Variants in ZNF780B observed in about 807,000 individuals in gnomAD.
ZNF780B encodes zinc finger protein 779.
ZNF780B carries 52 observed loss-of-function variants against 74.1 expected under a neutral mutation model. The ratio of observed to expected loss-of-function variants is 0.70; its 90% CI spans 0.56 to 0.88. The LOEUF (loss-of-function observed/expected upper bound fraction) is 0.88. Among genes scored for constraint, ZNF780B ranks in the 40% least tolerant of loss-of-function variants. The pLI, the probability that ZNF780B is intolerant of heterozygous loss-of-function variation, is 0.00. For missense variants in ZNF780B, 953 were observed against 1,007.6 expected, an observed-to-expected ratio of 0.95 and a Z score of 0.73; for synonymous variants, 315 against 324.3, an observed-to-expected ratio of 0.97 and a Z score of 0.31.
Position 40,036,375 on chromosome 19 carries a change from G to A in ZNF780B, c.484C>T (p.His162Tyr), listed in dbSNP as rs368536117. ...CATTCCTTACATTCATATGGTTTAT[G>A]TGTATTATGAATAGGAGAAGCATGA... The part of the protein sequence containing the change: ...YTHASPIHNT[H>Y]KPYECKECGK... The change falls in exon 5 of 5, where the codon CAT becomes TAT. Residue 162 changes from histidine to tyrosine, a missense_variant. His to Tyr is a moderately conservative substitution (Grantham distance 83). Transcript: ENST00000434248. The A allele has an allele frequency of 3.7e-6, 6 of 1,612,064 alleles. No individual in the cohort carries two copies. In the African/African-American group the frequency reaches 6.7e-5, roughly 18 times the overall value.
intron 4 of ZNF780B, among the ~76,000 whole-genome samples, chr19:40,039,010 G>A (rs1048883452): frequency 4.8e-4 from 73 of 152,314 alleles, no homozygotes; most frequent in South Asian, 1.0e-3. Flanking sequence ...GAATGGTATT[G>A]CCCAGGTTTT....
At chr19:40,048,504 G>T (rs755459684) in intron 3 of ZNF780B, among the ~76,000 whole-genome samples, 166 bp downstream of exon 3, 3 of 152,216 alleles carry the variant, frequency 2.0e-5, no homozygotes, top group Non-Finnish European at 4.4e-5. Context: ...AGATGCAGAG[G>T]CTCCAAGGAG....
chr19:40,037,797 C>T (rs1972411044), intron 4 of ZNF780B, among the ~76,000 whole-genome samples: 1 of 151,962 alleles, frequency 6.6e-6, no homozygotes, highest in South Asian at 2.1e-4. Flanking sequence ...TAACCTTTCT[C>T]TTATCTTCTT....
chr19:40,053,442 C>A (rs1973329738), intron 1 of ZNF780B, among the ~76,000 whole-genome samples: 1 of 152,118 alleles, frequency 6.6e-6, no homozygotes, highest in Admixed American at 6.5e-5. Flanking sequence ...GAAATGTGAA[C>A]CATTGCACAC....
chr19:40,053,401 A>G (rs771523760), intron 1 of ZNF780B, among the ~76,000 whole-genome samples: 3 of 152,226 alleles, frequency 2.0e-5, no homozygotes, highest in Non-Finnish European at 2.9e-5. Flanking sequence ...TTGAAAAGAC[A>G]TAAGTTAACA....
Position 40,034,370 on chromosome 19 carries a change from A to G in ZNF780B, c.2489T>C (p.Phe830Ser). The change falls in exon 5 of 5, where the codon TTC (phenylalanine) becomes TCC (serine). Residue 830 changes from phenylalanine to serine, a missense_variant. Physicochemically the swap from Phe to Ser is radical, Grantham distance 155. Coordinates refer to ENST00000434248, the MANE Select transcript of ZNF780B (RefSeq NM_001005851.3). ...ATTCAAAGGTTTTCACCCAAGTATG[A>G]ATTTTCTGATGTTCAGTAAGTTGCT... ...ISSNLLNIRK[F>S]ILG The G allele has an allele frequency of 1.2e-6, 2 of 1,606,334 alleles. No homozygotes were observed. The highest frequency in any genetic ancestry group is 2.2e-5 in the South Asian group (2 of 90,258).
chr19:40,050,737 C>T (rs1179165051), intron 1 of ZNF780B, among the ~76,000 whole-genome samples: 1 of 152,256 alleles, frequency 6.6e-6, no homozygotes, highest in Non-Finnish European at 1.5e-5. Context: ...AAGCAATCCT[C>T]CTCCCCTAGT....
In ZNF780B at chr19:40,034,300, C is replaced by T; in HGVS notation, c.*57G>A. On this transcript the variant is annotated 3_prime_UTR_variant, in exon 5 of 5. Coordinates refer to ENST00000434248, the MANE Select transcript of ZNF780B (RefSeq NM_001005851.3). The stretch of plus-strand genomic sequence containing the variant: ...TCACGAATATGAAATCTATAATGTC[C>T]ATGAAATTGGTAATGATATTGAAAG... 5.1e-6 allele frequency: 7 copies of T among 1,377,922 alleles called. No individual in the cohort carries two copies. The highest frequency in any genetic ancestry group is 7.0e-6 in the Non-Finnish European group (7 of 996,812). The allele number at this position is 1,377,922 out of a possible 1,614,324, so 85.4% of individuals were successfully genotyped here. A position where few individuals can be genotyped will look rare whatever the true frequency, so the allele number is the denominator to read the frequency against.
At position 40,030,608 on chromosome 19, in the gene ZNF780B, T is replaced by G. The variant is rs1019028121; in HGVS notation, c.*3749A>C. 2.6e-5 allele frequency: 4 copies of G among 152,216 alleles called. No homozygotes were observed. Among genetic ancestry groups the G allele is most frequent in the Admixed American group, 1.3e-4 (2 of 15,284 alleles). 9.4% of individuals were successfully genotyped at this position (152,216 alleles called of 1,614,324 possible). On this transcript the variant is annotated 3_prime_UTR_variant, in exon 5 of 5. Transcript: ENST00000434248. ...TGAGCCACCGTGCCTGGCCGTGATT[T>G]TTAAATTTGTACATACTTGGTTTGT...
At chr19:40,036,670 C>T (rs965069058) in intron 4 of ZNF780B, 44 bp from the exon 5 acceptor site, 1 of 1,161,606 alleles carries the variant, frequency 8.6e-7, no homozygotes, top group South Asian at 1.7e-5. Context: ...TTTCCTATAA[C>T]ATACATGCAT....
Position 40,034,438 on chromosome 19 carries a change from G to GT in ZNF780B, c.2420dup (p.Asn807LysfsTer16). 2 of 1,613,924 alleles carry GT rather than the reference G, an allele frequency of 1.2e-6. No homozygotes were observed. The highest frequency in any genetic ancestry group is 2.2e-5 in the South Asian group (2 of 91,062). ...GTCCCACATTTCTTACATTCAAAGG[G>GT]TTTCTCACCTGTACAAGTTTTTGAT... On this transcript the variant is annotated frameshift_variant, in exon 5 of 5. Coordinates refer to ENST00000434248, the MANE Select transcript of ZNF780B (RefSeq NM_001005851.3). LOFTEE classifies it high-confidence loss of function.
rs1462910018 is a variant in ZNF780B, at chr19:40,031,051, C to G, written c.*3306G>C. The G allele has an allele frequency of 6.6e-6, 1 of 151,996 alleles. No individual in the cohort carries two copies. The highest frequency in any genetic ancestry group is 2.4e-5 in the African/African-American group (1 of 41,346). 9.4% of individuals were successfully genotyped at this position (151,996 alleles called of 1,614,324 possible). ...ATGGTAAAAGATAGAATTAAGTAGTCTATTGAAAGAATAATCATCTGACCA... is the reference window on the plus strand; with the variant it reads ...ATGGTAAAAGATAGAATTAAGTAGTGTATTGAAAGAATAATCATCTGACCA... On this transcript the variant is annotated 3_prime_UTR_variant, in exon 5 of 5. Coordinates refer to ENST00000434248, the MANE Select transcript of ZNF780B (RefSeq NM_001005851.3).
At chr19:40,038,070 C>A (rs542472947) in intron 4 of ZNF780B, among the ~76,000 whole-genome samples, 27 of 152,134 alleles carry the variant, frequency 1.8e-4, no homozygotes, top group Middle Eastern at 6.8e-3. Flanking sequence ...CCACCTCCTC[C>A]CACCCCACAA....
intron 3 of ZNF780B, 127 bp downstream of exon 3, chr19:40,048,543 A>C: frequency 2.0e-6 from 3 of 1,486,774 alleles, no homozygotes. Context: ...ACAAATCTCA[A>C]TCCATTCCTT....
rs561086156 is a variant in ZNF780B at position 40,029,820 on chromosome 19, A to G, written c.*4537T>C. 2 of 152,188 alleles carry G rather than the reference A, an allele frequency of 1.3e-5. No individual in the cohort carries two copies. Among genetic ancestry groups the G allele is most frequent in the Non-Finnish European group, 2.9e-5 (2 of 68,046 alleles). The allele number at this position is 152,188 out of a possible 1,614,324, so 9.4% of individuals were successfully genotyped here. A position where few individuals can be genotyped will look rare whatever the true frequency, so the allele number is the denominator to read the frequency against. ...AACATCCTCTTACGGCCTGAAAACA[A>G]TATTCCTTTAAAACATCAAAAGAAA... On this transcript the variant is annotated 3_prime_UTR_variant, in exon 5 of 5. Transcript: ENST00000434248.
At chr19:40,039,869 G>T (rs1448550229) in intron 4 of ZNF780B, among the ~76,000 whole-genome samples, 1 of 151,744 alleles carries the variant, frequency 6.6e-6, no homozygotes, top group Non-Finnish European at 1.5e-5. Flanking sequence ...GGGACAATTT[G>T]ACTTCCTCTT....
intron 4 of ZNF780B, among the ~76,000 whole-genome samples, chr19:40,045,682 C>T (rs112003459): frequency 0.013 from 1,903 of 152,164 alleles, 30 homozygotes; most frequent in South Asian, 0.052. Context: ...TGGAGGGAAT[C>T]GGAGGTCAGA....
At chr19:40,052,188 C>T (rs1038619976) in intron 1 of ZNF780B, among the ~76,000 whole-genome samples, 7 of 152,096 alleles carry the variant, frequency 4.6e-5, no homozygotes, top group Non-Finnish European at 8.8e-5. Context: ...ACCCTAGGCA[C>T]TAATGACATA....
Position 40,034,758 on chromosome 19 carries a change from C to T in ZNF780B, c.2101G>A (p.Glu701Lys), listed in dbSNP as rs939172777. ...HSSAKPFVCKECRKTFRYHYQ... is the reference protein window; with the variant it reads ...HSSAKPFVCKKCRKTFRYHYQ... ...TGATATCTAAAGGTCTTCCTACACT[C>T]CTTACATACAAAGGGTTTCGCACTG... The change falls in exon 5 of 5, where the codon GAG (glutamate) becomes AAG (lysine). Residue 701 changes from glutamate (E) to lysine (K), a missense_variant. Physicochemically the swap from Glu to Lys is moderately conservative, Grantham distance 56 (BLOSUM62 1). Coordinates refer to ENST00000434248, the MANE Select transcript of ZNF780B (RefSeq NM_001005851.3). 6.2e-7 allele frequency: 1 copy of T among 1,613,806 alleles called. No homozygotes were observed. Among genetic ancestry groups the T allele is most frequent in the Non-Finnish European group, 8.5e-7 (1 of 1,179,956 alleles).
Sources: allele counts gnomAD v4.1 joint callset (sites outside exome capture counted in the v4.1 genomes callset), GRCh38; gene constraint gnomAD v4.1.1; transcripts MANE v1.5; gene names NCBI Gene and HGNC (gene_info 2026-07-23, HGNC 2026-07-21).